POU2F1: variants seen among roughly 807,000 people sequenced by gnomAD.
POU2F1 encodes POU class 2 homeobox 1, also known as POU domain, class 2, transcription factor 1.
Under a neutral mutation model 84.9 loss-of-function variants are expected in POU2F1, and 16 were observed. That is an observed-to-expected ratio of 0.19 (90% CI 0.13 to 0.29). The LOEUF (loss-of-function observed/expected upper bound fraction) is 0.29, where lower values mean the gene tolerates loss of function less well. Among genes scored for constraint, POU2F1 ranks in the 10% least tolerant of loss-of-function variants. The probability of loss-of-function intolerance (pLI) is 1.00; values close to 1 mark genes in which losing one functional copy is unlikely to be tolerated. For synonymous variants in POU2F1, 368 were observed against 368.3 expected, an observed-to-expected ratio of 1.00 and a Z score of 0.01; for missense variants, 738 against 942.6, an observed-to-expected ratio of 0.78 and a Z score of 2.84.
intron 1 of POU2F1, among the ~76,000 whole-genome samples, chr1:167,287,947 C>T (rs1448754670): frequency 2.6e-5 from 4 of 152,260 alleles, no homozygotes; most frequent in East Asian, 1.9e-4. Context: ...TACTCAGTAG[C>T]GATGATGGAA....
chr1:167,259,962 T>A (rs1259960480), intron 1 of POU2F1, among the ~76,000 whole-genome samples: 1 of 152,106 alleles, frequency 6.6e-6, no homozygotes, highest in Non-Finnish European at 1.5e-5. Flanking sequence ...CACTGCAAGC[T>A]TCGCCTTCTG....
At chr1:167,284,765 G>A (rs568790432) in intron 1 of POU2F1, among the ~76,000 whole-genome samples, 24 of 152,144 alleles carry the variant, frequency 1.6e-4, no homozygotes, top group African/African-American at 5.8e-4. Flanking sequence ...TTCCTTCATG[G>A]CACCATGAAC....
intron 13 of POU2F1, among the ~76,000 whole-genome samples, chr1:167,406,333 A>G (rs1338988398): frequency 2.0e-5 from 3 of 152,226 alleles, no homozygotes; most frequent in Non-Finnish European, 4.4e-5. Context: ...TCCAAAACCC[A>G]TTCATGATGA....
intron 1 of POU2F1, among the ~76,000 whole-genome samples, chr1:167,300,956 G>A (rs1369520583): frequency 6.6e-6 from 1 of 151,922 alleles, no homozygotes; most frequent in African/African-American, 2.4e-5. Flanking sequence ...TTTTAGTAGA[G>A]GTGAGGTTTC....
In POU2F1 at chr1:167,315,666, T is replaced by C. The variant is rs148999813; in HGVS notation, c.62-16804T>C. 2.3e-3 allele frequency among the ~76,000 whole-genome samples: 346 copies of C among 152,098 alleles called. 2 individuals carry two copies. The highest frequency in any genetic ancestry group is 8.0e-3 in the African/African-American group (332 of 41,476). On this transcript the variant is annotated intron_variant, in intron 1 of 15. Transcript: ENST00000367866. Reference sequence around the variant, plus strand: ...TTTGTTTGTTTTTTAATTAGCCAGGTGTGGTGACATGCTGGTAGTCCCAGC... The same window carrying C: ...TTTGTTTGTTTTTTAATTAGCCAGGCGTGGTGACATGCTGGTAGTCCCAGC...
chr1:167,414,336 A>G, intron 15 of POU2F1: 3 of 985,364 alleles, frequency 3.0e-6, no homozygotes, highest in African/African-American at 1.7e-5. Flanking sequence ...TCCCTAGGGC[A>G]TGATTGACAC....
intron 1 of POU2F1, among the ~76,000 whole-genome samples, chr1:167,301,913 G>T (rs961956741): frequency 7.2e-5 from 11 of 151,916 alleles, no homozygotes; most frequent in Admixed American, 2.0e-4. Context: ...TAAGAGGAAA[G>T]AATTTAATTT....
chr1:167,405,751 A>G (rs1649529223), intron 13 of POU2F1, among the ~76,000 whole-genome samples: 1 of 152,332 alleles, frequency 6.6e-6, no homozygotes, highest in South Asian at 2.1e-4. Flanking sequence ...AACTTGTTCT[A>G]ACTGCCATCT....
chr1:167,410,982 A>G (rs1426624235), intron 13 of POU2F1, among the ~76,000 whole-genome samples: 1 of 152,002 alleles, frequency 6.6e-6, no homozygotes, highest in African/African-American at 2.4e-5. Flanking sequence ...CCAAATGTTC[A>G]TTCTCCTTAA....
chr1:167,407,621 C>G (rs772166687), intron 13 of POU2F1, among the ~76,000 whole-genome samples: 3 of 152,116 alleles, frequency 2.0e-5, no homozygotes, highest in Non-Finnish European at 2.9e-5. Context: ...TGATTTTTGA[C>G]AGAGGTGCCA....
chr1:167,344,452 A>C (rs2101765547), intron 2 of POU2F1, among the ~76,000 whole-genome samples: 1 of 152,326 alleles, frequency 6.6e-6, no homozygotes, highest in East Asian at 1.9e-4. Context: ...AAAGGGAATG[A>C]TAAATGTAAG....
At chr1:167,303,264 C>T (rs886119884) in intron 1 of POU2F1, among the ~76,000 whole-genome samples, 2 of 152,132 alleles carry the variant, frequency 1.3e-5, no homozygotes, top group African/African-American at 4.8e-5. Flanking sequence ...GATTTATCTC[C>T]ATGGTCCTTT....
chr1:167,355,333 G>A (rs553595667), intron 2 of POU2F1, among the ~76,000 whole-genome samples: 13 of 152,060 alleles, frequency 8.5e-5, no homozygotes, highest in Non-Finnish European at 1.8e-4. Context: ...GTTCATAGGT[G>A]TGTGTACCTC....
At chr1:167,350,562 G>A (rs894411116) in intron 2 of POU2F1, among the ~76,000 whole-genome samples, 2 of 151,632 alleles carry the variant, frequency 1.3e-5, no homozygotes, top group African/African-American at 4.8e-5. Flanking sequence ...ATGTAGCTAG[G>A]TCCTGAACAG....
intron 2 of POU2F1, among the ~76,000 whole-genome samples, chr1:167,355,087 T>C (rs1017951800): frequency 1.3e-5 from 2 of 152,138 alleles, no homozygotes; most frequent in Non-Finnish European, 2.9e-5. Flanking sequence ...TAGAATGATA[T>C]TCTTTTATGT....
intron 1 of POU2F1, among the ~76,000 whole-genome samples, chr1:167,238,823 T>TA: frequency 6.6e-6 from 1 of 152,304 alleles, no homozygotes; most frequent in Non-Finnish European, 1.5e-5. Context: ...GGTTTGAAAT[T>TA]ACATTTGTTG....
Position 167,349,423 on chromosome 1 carries a change from G to A in POU2F1, c.128-16044G>A, listed in dbSNP as rs150186326. ...CCCTTTTCCTCTTTATTTTTCCATA[G>A]CATTTATTTGTATCTGATATTCAAT... On this transcript the variant is annotated intron_variant, in intron 2 of 15. Transcript: ENST00000367866. 2.9e-3 allele frequency among the ~76,000 whole-genome samples: 443 copies of A among 151,998 alleles called. 1 individual carries two copies. The Middle Eastern group carries it at 0.037, about 13-fold the overall frequency.
At chr1:167,325,391 A>G (rs916499125) in intron 1 of POU2F1, among the ~76,000 whole-genome samples, 1 of 152,142 alleles carries the variant, frequency 6.6e-6, no homozygotes, top group Non-Finnish European at 1.5e-5. Flanking sequence ...TACAGAATAG[A>G]GGGTACAAAT....
intron 1 of POU2F1, among the ~76,000 whole-genome samples, chr1:167,320,741 A>T (rs12742045): frequency 0.1 from 15,311 of 152,178 alleles, 1,964 homozygotes; most frequent in African/African-American, 0.31. Flanking sequence ...AAAATTAGCA[A>T]ATCTAGAGTC....
Sources: gnomAD v4.1 joint callset for allele counts (sites outside exome capture counted in the v4.1 genomes callset) on GRCh38, gnomAD v4.1.1 for gene constraint, MANE v1.5 for transcripts, NCBI Gene and HGNC (gene_info 2026-07-23, HGNC 2026-07-21) for gene names.